TTC1: variants seen among roughly 807,000 people sequenced by gnomAD.
TTC1 encodes tetratricopeptide repeat domain 1, also known as tetratricopeptide repeat protein 1.
Under a neutral mutation model 37.6 loss-of-function variants are expected in TTC1, and 31 were observed. That is an observed-to-expected ratio of 0.82 (90% CI 0.62 to 1.11). TTC1 has a LOEUF of 1.11. TTC1 is among the 50% of genes most tolerant of loss of function. The pLI is 0.00. For synonymous variants in TTC1, 127 were observed against 122.4 expected (o/e 1.04, Z -0.25); for missense variants, 351 against 339.0 (o/e 1.04, Z -0.28).
At chr5:160,019,805 G>A (rs1299793418) in intron 2 of TTC1, among the ~76,000 whole-genome samples, 4 of 151,474 alleles carry the variant, frequency 2.6e-5, no homozygotes, top group Admixed American at 1.3e-4. Context: ...GGCTGGTCTC[G>A]AACTCACATC....
Position 160,065,445 on chromosome 5 carries a change from G to T in TTC1, c.*380G>T, listed in dbSNP as rs765476732. 4 of 462,554 alleles carry T rather than the reference G, an allele frequency of 8.6e-6. No homozygotes were observed. The highest frequency in any genetic ancestry group is 1.6e-5 in the South Asian group (1 of 64,500). The allele number at this position is 462,554 out of a possible 1,614,324, so 28.7% of individuals were successfully genotyped here. On this transcript the variant is annotated 3_prime_UTR_variant, in exon 8 of 8. Coordinates refer to ENST00000231238, the MANE Select transcript of TTC1 (RefSeq NM_003314.3). ...AGACTGCCCAGACATGATTGATGAC[G>T]GGTTCCCGCCTGCTGTCCCCTCCCT... is the stretch of plus-strand genomic sequence containing the variant.
chr5:160,057,787 T>TGA lies in TTC1; in HGVS notation c.745+6605_745+6606dup, dbSNP rs1207445891. Among the ~76,000 whole-genome samples the TGA allele has an allele frequency of 2.6e-5, 4 of 152,188 alleles. No individual in the cohort carries two copies. The highest frequency in any genetic ancestry group is 4.4e-5 in the Non-Finnish European group (3 of 68,024). ...GGGTTTGTGCGTGTGTGTGTGTGTG[T>TGA]GACACAGAGCCTCATTCTGTCGCCA... On this transcript the variant is annotated intron_variant, in intron 7 of 7. Coordinates refer to ENST00000231238, the MANE Select transcript of TTC1 (RefSeq NM_003314.3). The surrounding 1 kb of genome is among the most constrained non-coding windows in gnomAD (Gnocchi z 4.4).
intron 7 of TTC1, among the ~76,000 whole-genome samples, chr5:160,064,445 A>T (rs966190531): frequency 2.0e-5 from 3 of 152,218 alleles, no homozygotes; most frequent in African/African-American, 7.2e-5. Context: ...TTGAATATGA[A>T]TCCAAGCTCA....
chr5:160,035,003 G>A (rs1252146556), intron 2 of TTC1, 137 bp from the exon 3 acceptor site: 7 of 599,044 alleles, frequency 1.2e-5, no homozygotes, highest in Middle Eastern at 3.3e-4. Flanking sequence ...CACTGTACAA[G>A]GTTTTGGTGA....
intron 2 of TTC1, among the ~76,000 whole-genome samples, chr5:160,026,816 A>G (rs1363976149): frequency 1.3e-5 from 2 of 152,074 alleles, no homozygotes; most frequent in Non-Finnish European, 1.5e-5. Context: ...TTGGATTTAC[A>G]TTAGTCATTT....
At chr5:160,064,896 C>T in intron 7 of TTC1, 36 bp from the exon 8 acceptor site, 1 of 1,599,050 alleles carries the variant, frequency 6.3e-7, no homozygotes, top group Non-Finnish European at 8.5e-7. Context: ...TCTGTTCATT[C>T]CTGTATTCAT....
intron 2 of TTC1, among the ~76,000 whole-genome samples, chr5:160,011,858 G>A (rs376981302): frequency 2.7e-5 from 4 of 150,640 alleles, no homozygotes; most frequent in South Asian, 2.1e-4. Flanking sequence ...TGATACATTG[G>A]TATTGAGATG....
intron 2 of TTC1, among the ~76,000 whole-genome samples, chr5:160,025,602 G>A (rs1756787819): frequency 6.6e-6 from 1 of 152,158 alleles, no homozygotes; most frequent in Non-Finnish European, 1.5e-5. Context: ...TTTTTCTTTA[G>A]AACTATGAAG....
chr5:160,064,794 C>T (rs1753550564), intron 7 of TTC1, 138 bp from the exon 8 acceptor site: 1 of 927,298 alleles, frequency 1.1e-6, no homozygotes. Context: ...AAGCTTTCAT[C>T]ATATTAAAAG....
intron 3 of TTC1, among the ~76,000 whole-genome samples, chr5:160,035,908 T>C (rs1756991091): frequency 6.6e-6 from 1 of 152,030 alleles, no homozygotes; most frequent in South Asian, 2.1e-4. Flanking sequence ...TTTTTTCTTA[T>C]TGTTTTCCAA....
chr5:160,015,874 C>T (rs1238669634), intron 2 of TTC1, among the ~76,000 whole-genome samples: 1 of 152,168 alleles, frequency 6.6e-6, no homozygotes, highest in African/African-American at 2.4e-5. Context: ...CCTGTGGGAT[C>T]AGACACTGTC....
rs1757575381 is a variant in TTC1, at chr5:160,057,498, C to G, written c.745+6315C>G. Among the ~76,000 whole-genome samples the G allele has an allele frequency of 6.6e-6, 1 of 152,062 alleles. No individual in the cohort carries two copies. Among genetic ancestry groups the G allele is most frequent in the Non-Finnish European group, 1.5e-5 (1 of 68,022 alleles). On this transcript the variant is annotated intron_variant, in intron 7 of 7. Coordinates refer to ENST00000231238, the MANE Select transcript of TTC1 (RefSeq NM_003314.3). The surrounding 1 kb of genome is among the most constrained non-coding windows in gnomAD (Gnocchi z 4.4). The stretch of plus-strand genomic sequence containing the variant: ...CCTTTAGGGAGTTGTAATCATTTTG[C>G]TGCTGGAGGGCCTTGCCTCCACGTG...
At chr5:160,011,604 T>G (rs944483693) in intron 2 of TTC1, among the ~76,000 whole-genome samples, 1 of 152,256 alleles carries the variant, frequency 6.6e-6, no homozygotes, top group African/African-American at 2.4e-5. Context: ...CAAAAACATC[T>G]GTCTTCCTAC....
chr5:160,017,769 A>C (rs1487471855), intron 2 of TTC1, among the ~76,000 whole-genome samples: 1 of 152,226 alleles, frequency 6.6e-6, no homozygotes, highest in Non-Finnish European at 1.5e-5. Context: ...ATAGCTGTTG[A>C]ATGAATAGCA....
At chr5:160,049,452 A>G in intron 5 of TTC1, 62 bp from the exon 6 acceptor site, 4 of 1,398,908 alleles carry the variant, frequency 2.9e-6, no homozygotes, top group South Asian at 3.2e-5. Flanking sequence ...GGAATCTGAT[A>G]TAGCCAAAGA....
rs144805944 is a variant in TTC1 at position 160,040,272 on chromosome 5, A to G, written c.505-2861A>G. Among the ~76,000 whole-genome samples, 3 of 152,294 alleles carry G rather than the reference A, an allele frequency of 2.0e-5. No homozygotes were observed. In the East Asian group the frequency reaches 5.8e-4, roughly 29 times the overall value. ...AACACACACACATATGTATACACAC[A>G]CACACACACATACATATACCGTGTA... On this transcript the variant is annotated intron_variant, in intron 4 of 7. Transcript: ENST00000231238.
Position 160,062,466 on chromosome 5 carries a change from C to T in TTC1, c.746-2466C>T, listed in dbSNP as rs577203773. On this transcript the variant is annotated intron_variant, in intron 7 of 7. Coordinates refer to ENST00000231238, the MANE Select transcript of TTC1 (RefSeq NM_003314.3). ...CAGAAAGCACCTCTGGGCACACCTC[C>T]GTCTTTTGGGTCTGCCTCCCCACTA... is the stretch of plus-strand genomic sequence containing the variant. Among the ~76,000 whole-genome samples, 31 of 152,320 alleles carry T rather than the reference C, an allele frequency of 2.0e-4. No homozygotes were observed. In the South Asian group the frequency reaches 4.6e-3, roughly 22 times the overall value.
intron 3 of TTC1, among the ~76,000 whole-genome samples, 194 bp downstream of exon 3, chr5:160,035,394 A>G (rs1200600582): frequency 1.3e-5 from 2 of 152,196 alleles, no homozygotes; most frequent in African/African-American, 4.8e-5. Flanking sequence ...ACCAGTTACC[A>G]TTTGTCTCTT....
At chr5:160,061,504 T>C (rs1481148617) in intron 7 of TTC1, among the ~76,000 whole-genome samples, 2 of 152,240 alleles carry the variant, frequency 1.3e-5, no homozygotes, top group Non-Finnish European at 2.9e-5. Context: ...CACACACATG[T>C]AATTAGTACA....
Sources: allele counts gnomAD v4.1 joint callset (sites outside exome capture counted in the v4.1 genomes callset), GRCh38; gene constraint gnomAD v4.1.1; non-coding constraint Gnocchi (gnomAD v3.1); transcripts MANE v1.5; gene names NCBI Gene and HGNC (gene_info 2026-07-23, HGNC 2026-07-21).